FSTL1: variants seen among roughly 807,000 people sequenced by gnomAD.
FSTL1 encodes follistatin like 1, also known as follistatin-related protein 1.
FSTL1 carries 24 observed loss-of-function variants against 45.9 expected under a neutral mutation model. The observed-to-expected ratio is 0.52, with a 90% confidence interval of 0.38 to 0.74. The LOEUF (loss-of-function observed/expected upper bound fraction) is 0.74. Ranked by LOEUF, FSTL1 falls within the 30% of genes least tolerant of loss-of-function variation. The probability of loss-of-function intolerance (pLI) is 0.00; values close to 1 mark genes in which losing one functional copy is unlikely to be tolerated. For synonymous variants in FSTL1, 120 were observed against 137.6 expected (o/e 0.87, Z 0.89); for missense variants, 340 against 381.8 (o/e 0.89, Z 0.91).
intron 3 of FSTL1, 57 bp from the exon 4 acceptor site, chr3:120,412,040 C>CAT: frequency 1.4e-6 from 1 of 703,204 alleles, no homozygotes; most frequent in Non-Finnish European, 2.3e-6. Context: ...CACACAGACA[C>CAT]ACACACACAC....
intron 2 of FSTL1, 98 bp from the exon 3 acceptor site, chr3:120,416,125 T>C (rs1937183592): frequency 5.4e-6 from 5 of 920,858 alleles, no homozygotes; most frequent in Non-Finnish European, 8.9e-6. Context: ...GGCTTTGCTC[T>C]GGAGTCATGG....
chr3:120,404,083 T>C (rs1969356), intron 7 of FSTL1, among the ~76,000 whole-genome samples: 63,392 of 151,872 alleles, frequency 0.42, 13,986 homozygotes, highest in Non-Finnish European at 0.49. Flanking sequence ...TGGACTTGAG[T>C]TAGTTATTCA....
At chr3:120,408,669 G>A (rs1217911524) in intron 6 of FSTL1, among the ~76,000 whole-genome samples, 1 of 152,058 alleles carries the variant, frequency 6.6e-6, no homozygotes, top group Non-Finnish European at 1.5e-5. Flanking sequence ...TGGAAATGTG[G>A]GTATCTGAAT....
At chr3:120,432,520 C>A (rs921303691) in intron 2 of FSTL1, among the ~76,000 whole-genome samples, 2 of 151,952 alleles carry the variant, frequency 1.3e-5, no homozygotes, top group Admixed American at 6.6e-5. Flanking sequence ...GCACAAAGAC[C>A]TCCTTTTTTG....
chr3:120,412,838 G>GCACACACACACA (rs71156798), intron 3 of FSTL1, among the ~76,000 whole-genome samples: 45 of 106,178 alleles, frequency 4.2e-4, no homozygotes, highest in Admixed American at 9.1e-4. Context: ...GCGCGCGCGC[G>GCACACACACACA]CACACACACA....
intron 2 of FSTL1, chr3:120,438,438 G>T (rs140255489): frequency 6.6e-6 from 1 of 152,164 alleles, no homozygotes; most frequent in Non-Finnish European, 1.5e-5. Flanking sequence ...GCCACATGCC[G>T]TACTGTTTAT....
intron 2 of FSTL1, 141 bp downstream of exon 2, chr3:120,450,543 G>C: frequency 1.9e-6 from 1 of 514,650 alleles, no homozygotes; most frequent in Non-Finnish European, 3.4e-6. Flanking sequence ...TACTGCCCCA[G>C]CTCCACCCCA....
chr3:120,419,928 C>T (rs1937250490), intron 2 of FSTL1, among the ~76,000 whole-genome samples: 2 of 152,270 alleles, frequency 1.3e-5, no homozygotes, highest in South Asian at 4.1e-4. Flanking sequence ...GTGCAGGTCT[C>T]TGTATTTTTA....
chr3:120,396,927 C>A lies in FSTL1; in HGVS notation c.*25G>T, dbSNP rs777525950. On this transcript the variant is annotated 3_prime_UTR_variant, in exon 11 of 11. Transcript: ENST00000295633. ...GCTGAAGTGGAGAAGATGCTGGGAT[C>A]CAGACACTGGTCTGTGCCTCCTCAT... 6.4e-7 allele frequency: 1 copy of A among 1,571,708 alleles called. No homozygotes were observed. Among genetic ancestry groups the A allele is most frequent in the Non-Finnish European group, 8.8e-7 (1 of 1,141,244 alleles).
At chr3:120,444,251 C>A (rs1380849625) in intron 2 of FSTL1, among the ~76,000 whole-genome samples, 1 of 149,864 alleles carries the variant, frequency 6.7e-6, no homozygotes, top group East Asian at 1.9e-4. Flanking sequence ...TTAATTTTGG[C>A]TAAAGATGTG....
At chr3:120,410,129 A>C in intron 5 of FSTL1, 1 of 161,582 alleles carries the variant, frequency 6.2e-6, no homozygotes, top group South Asian at 1.7e-4. Flanking sequence ...CCCACTTACA[A>C]CTGTATACCA....
At chr3:120,416,217 G>T (rs1296996247) in intron 2 of FSTL1, among the ~76,000 whole-genome samples, 190 bp from the exon 3 acceptor site, 3 of 152,156 alleles carry the variant, frequency 2.0e-5, no homozygotes, top group African/African-American at 7.2e-5. Context: ...CCTACTCCCA[G>T]ATACTGCTTC....
intron 2 of FSTL1, chr3:120,424,120 T>C (rs890834668): frequency 1.3e-5 from 2 of 152,392 alleles, no homozygotes; most frequent in African/African-American, 4.8e-5. Flanking sequence ...GTAATGAGCA[T>C]GGCGCAAGCT....
intron 4 of FSTL1, among the ~76,000 whole-genome samples, chr3:120,411,641 AGCAAACCC>A (rs1937055186): frequency 6.6e-6 from 1 of 152,250 alleles, no homozygotes; most frequent in Admixed American, 6.5e-5. Flanking sequence ...GATCTGATAT[AGCAAACCC>A]TGGGCAGAGG....
chr3:120,431,499 T>C (rs1314598992), intron 2 of FSTL1, among the ~76,000 whole-genome samples: 3 of 152,164 alleles, frequency 2.0e-5, no homozygotes, highest in Non-Finnish European at 4.4e-5. Context: ...CCACTGCAGC[T>C]AGTAGCTATC....
chr3:120,432,922 C>A (rs9855400), intron 2 of FSTL1, among the ~76,000 whole-genome samples: 35,320 of 152,108 alleles, frequency 0.23, 5,070 homozygotes, highest in African/African-American at 0.41. Context: ...TCTTAATGTG[C>A]AAATCCAGTG....
intron 2 of FSTL1, among the ~76,000 whole-genome samples, chr3:120,444,956 T>C (rs969367846): frequency 1.3e-5 from 2 of 149,864 alleles, no homozygotes; most frequent in Non-Finnish European, 2.9e-5. Context: ...TCTCCTACGG[T>C]TGACTATGTA....
At chr3:120,447,785 A>G (rs551798386) in intron 2 of FSTL1, among the ~76,000 whole-genome samples, 22 of 152,184 alleles carry the variant, frequency 1.4e-4, no homozygotes, top group African/African-American at 4.8e-4. Context: ...AGTAGCTGGG[A>G]CCAGAGGCGT....
rs774017361 is a variant in FSTL1 at position 120,402,821 on chromosome 3, G to A, written c.792C>T (p.Ala264=). 3 of 1,593,126 alleles carry A rather than the reference G, an allele frequency of 1.9e-6. No homozygotes were observed. Among genetic ancestry groups the A allele is most frequent in the Non-Finnish European group, 2.6e-6 (3 of 1,160,936 alleles). The part of the protein sequence containing the change: ...VCACGNWVCT[A]MTCDGKNQKG... ...AGCACAGCTCACCGTCACAGGTCAT[G>A]GCTGTACAGACCCAATTTCCACAGG... is the stretch of plus-strand genomic sequence containing the variant. The change falls in exon 9 of 11, where the codon GCC becomes GCT. Residue 264 remains alanine (A), a synonymous_variant. Transcript: ENST00000295633.
Sources: allele counts gnomAD v4.1 joint callset (sites outside exome capture counted in the v4.1 genomes callset), GRCh38; gene constraint gnomAD v4.1.1; transcripts MANE v1.5; gene names NCBI Gene and HGNC (gene_info 2026-07-23, HGNC 2026-07-21).